Variants in NDST3 observed in about 807,000 individuals in gnomAD.
The protein encoded by NDST3 is bifunctional heparan sulfate N-deacetylase/N-sulfotransferase 3.
A neutral mutation model predicts 96.1 loss-of-function variants in NDST3; 58 were observed. The ratio of observed to expected loss-of-function variants is 0.60; its 90% confidence interval spans 0.49 to 0.75. The LOEUF is 0.75. Among genes scored for constraint, NDST3 ranks in the 30% least tolerant of loss-of-function variants. The pLI is 0.00. For synonymous variants in NDST3, 333 were observed against 359.7 expected (o/e 0.93, Z 0.84); for missense variants, 788 against 1,034.2 (o/e 0.76, Z 3.27).
intron 2 of NDST3, among the ~76,000 whole-genome samples, chr4:118,067,604 A>T (rs936022726): frequency 6.6e-6 from 1 of 152,156 alleles, no homozygotes; most frequent in Non-Finnish European, 1.5e-5. Flanking sequence ...TATTCAAAAA[A>T]GTTATGTTTA....
chr4:118,126,957 C>T (rs1732148546), intron 4 of NDST3, among the ~76,000 whole-genome samples: 1 of 151,852 alleles, frequency 6.6e-6, no homozygotes, highest in South Asian at 2.1e-4. Context: ...ATGTTGAGCA[C>T]CTTTTCATAT....
chr4:118,247,538 G>A (rs1479806675), intron 12 of NDST3, among the ~76,000 whole-genome samples: 1 of 151,832 alleles, frequency 6.6e-6, no homozygotes, highest in African/African-American at 2.4e-5. Flanking sequence ...GGCGACAAGA[G>A]TGAAACTCTG....
At chr4:118,244,389 T>C (rs528387294) in intron 12 of NDST3, among the ~76,000 whole-genome samples, 1 of 152,352 alleles carries the variant, frequency 6.6e-6, no homozygotes, top group South Asian at 2.1e-4. Context: ...AGAAATGCCA[T>C]TTATACCAGT....
chr4:118,146,247 T>C (rs1042297800), intron 6 of NDST3, among the ~76,000 whole-genome samples: 10 of 152,200 alleles, frequency 6.6e-5, no homozygotes, highest in Admixed American at 1.3e-4. Flanking sequence ...ATTTGAAAGA[T>C]AGCCATTGTA....
intron 6 of NDST3, among the ~76,000 whole-genome samples, chr4:118,173,541 C>CA (rs1442491679): frequency 7.9e-5 from 12 of 151,868 alleles, no homozygotes; most frequent in Admixed American, 6.6e-4. Flanking sequence ...ACCACCAAAA[C>CA]AAAAAAACAA....
intron 1 of NDST3, among the ~76,000 whole-genome samples, chr4:118,052,933 CAT>C (rs1395020192): frequency 6.6e-6 from 1 of 151,976 alleles, no homozygotes; most frequent in African/African-American, 2.4e-5. Flanking sequence ...CAGTTGTTTT[CAT>C]TACATTTTTA....
At chr4:118,109,208 T>C (rs2125857016) in intron 3 of NDST3, among the ~76,000 whole-genome samples, 1 of 152,304 alleles carries the variant, frequency 6.6e-6, no homozygotes, top group Middle Eastern at 3.4e-3. Flanking sequence ...AACTTCAGGA[T>C]GATTATCTTA....
At chr4:118,141,654 A>T (rs1733581381) in intron 5 of NDST3, among the ~76,000 whole-genome samples, 2 of 152,228 alleles carry the variant, frequency 1.3e-5, no homozygotes, top group Non-Finnish European at 1.5e-5. Context: ...TTTCCAAGCA[A>T]AATATTCAAA....
chr4:118,195,652 C>T (rs1032525102), intron 6 of NDST3, among the ~76,000 whole-genome samples: 12 of 152,166 alleles, frequency 7.9e-5, no homozygotes, highest in African/African-American at 2.9e-4. Flanking sequence ...TTCTTTTTCA[C>T]ACTGTTCACT....
chr4:118,128,659 T>C lies in NDST3; in HGVS notation c.1225-9395T>C, dbSNP rs529053636. Among the ~76,000 whole-genome samples the C allele has an allele frequency of 2.0e-5, 3 of 152,144 alleles. No individual in the cohort carries two copies. The South Asian group carries it at 6.2e-4, about 32-fold the overall frequency. ...GGCCTGTAGTTTTCTTTTTTTGATG[T>C]GTCTTTATCTGGTTTCGGTATCAGG... On this transcript the variant is annotated intron_variant, in intron 4 of 13. Transcript: ENST00000296499.
chr4:118,242,009 T>C, intron 11 of NDST3, 31 bp from the exon 12 acceptor site: 1 of 1,482,774 alleles, frequency 6.7e-7, no homozygotes, highest in Non-Finnish European at 9.4e-7. Context: ...ATGTCTTTTT[T>C]CAATGTGCAT....
At chr4:118,080,978 G>C (rs577446221) in intron 2 of NDST3, among the ~76,000 whole-genome samples, 2 of 152,304 alleles carry the variant, frequency 1.3e-5, no homozygotes, top group East Asian at 3.9e-4. Flanking sequence ...GGGGTGTAAA[G>C]TGAAAAGATA....
chr4:118,049,940 A>G (rs1724982457), intron 1 of NDST3, among the ~76,000 whole-genome samples: 1 of 152,064 alleles, frequency 6.6e-6, no homozygotes. Flanking sequence ...AAGAAAAAAA[A>G]CTTAGGCCAA....
chr4:118,078,491 CCT>C (rs1329103211), intron 2 of NDST3, among the ~76,000 whole-genome samples: 5 of 152,152 alleles, frequency 3.3e-5, no homozygotes, highest in African/African-American at 1.2e-4. Context: ...GTGGCTCACA[CCT>C]GTAATCTCAG....
Position 118,053,886 on chromosome 4 carries a change from C to A in NDST3, c.-25C>A. The A allele has an allele frequency of 6.4e-7, 1 of 1,553,652 alleles. No individual in the cohort carries two copies. Among genetic ancestry groups the A allele is most frequent in the Non-Finnish European group, 8.7e-7 (1 of 1,152,016 alleles). On this transcript the variant is annotated 5_prime_UTR_variant, in exon 2 of 14. Coordinates refer to ENST00000296499, the MANE Select transcript of NDST3 (RefSeq NM_004784.3). ...TAACTTTTTATGGTGCTTCTGTTGG[C>A]ATAGTTGGGGAAAGCACCTACAACA...
chr4:118,068,166 CTTTTTTTTTTTTT>C (rs34891564), intron 2 of NDST3, among the ~76,000 whole-genome samples: 2 of 84,310 alleles, frequency 2.4e-5, no homozygotes, highest in African/African-American at 9.1e-5. Context: ...TACTTGATCT[CTTTTTTTTTTTTT>C]TTTTTTTTTT....
intron 6 of NDST3, among the ~76,000 whole-genome samples, chr4:118,182,618 C>T (rs977081284): frequency 5.9e-5 from 9 of 152,126 alleles, no homozygotes; most frequent in Non-Finnish European, 1.2e-4. Context: ...TCAAAGGAAA[C>T]CTCTGGGTTC....
Position 118,255,747 on chromosome 4 carries a change from T to C in NDST3, c.*35T>C. On this transcript the variant is annotated 3_prime_UTR_variant, in exon 14 of 14. Transcript: ENST00000296499. ...AAAACTTGAGACTTCATCGTCCATG[T>C]AGAACACACCTTTTCCAAAGCTTCC... The C allele has an allele frequency of 6.4e-7, 1 of 1,561,652 alleles. No individual in the cohort carries two copies. Among genetic ancestry groups the C allele is most frequent in the Non-Finnish European group, 8.7e-7 (1 of 1,150,126 alleles).
Position 118,258,625 on chromosome 4 carries a change from G to A in NDST3, c.*2913G>A, listed in dbSNP as rs557515727. 6.6e-6 allele frequency: 1 copy of A among 152,170 alleles called. No individual in the cohort carries two copies. Among genetic ancestry groups the A allele is most frequent in the East Asian group, 1.9e-4 (1 of 5,178 alleles). 9.4% of individuals were successfully genotyped at this position (152,170 alleles called of 1,614,324 possible). On this transcript the variant is annotated 3_prime_UTR_variant, in exon 14 of 14. Transcript: ENST00000296499. ...TCATATGTACAACAATAAACTGATA[G>A]GAAAATGAAGAGTTTGGACCTGGTG...
Sources: allele counts gnomAD v4.1 joint callset (sites outside exome capture counted in the v4.1 genomes callset), GRCh38; gene constraint gnomAD v4.1.1; transcripts MANE v1.5; gene names NCBI Gene and HGNC (gene_info 2026-07-23, HGNC 2026-07-21).